Variants in ZSWIM8 observed in about 807,000 individuals in gnomAD.
ZSWIM8 encodes zinc finger SWIM domain-containing protein 8.
In ZSWIM8, 27 loss-of-function variants were observed where a neutral mutation model predicts 173.7. That is an observed-to-expected ratio of 0.16 (90% CI 0.11 to 0.21). ZSWIM8 has a LOEUF of 0.21. Among genes scored for constraint, ZSWIM8 ranks in the 10% least tolerant of loss-of-function variants. ZSWIM8 has a pLI of 1.00. For missense variants in ZSWIM8, 1,627 were observed against 2,428.8 expected, an observed-to-expected ratio of 0.67 and a Z score of 6.94; for synonymous variants, 958 against 962.0, an observed-to-expected ratio of 1.00 and a Z score of 0.08.
rs368892984 is a variant in ZSWIM8, at chr10:73,800,321, G to T, written c.4851G>T (p.Thr1617=). Residue 1617 remains threonine (T), a synonymous_variant, in exon 23 of 26, where the codon ACG becomes ACT. Transcript: ENST00000604729. The surrounding 1 kb of genome is among the most constrained non-coding windows in gnomAD (Gnocchi z 4.1). The part of the protein sequence containing the change: ...VALSSVHPAS[T]FPAIQGASLP... ...TGAGCAGTGTCCATCCAGCATCCAC[G>T]TTTCCAGCCATCCAAGGTGCCTCAC... 21 of 1,613,866 alleles carry T rather than the reference G, an allele frequency of 1.3e-5. No homozygotes were observed. Among genetic ancestry groups the T allele is most frequent in the Non-Finnish European group, 1.8e-5 (21 of 1,179,832 alleles).
chr10:73,799,950 A>G lies in ZSWIM8; in HGVS notation c.4666-61A>G, dbSNP rs78827647. The G allele has an allele frequency of 8.0e-5, 124 of 1,552,752 alleles. No individual in the cohort carries two copies. The East Asian group carries it at 2.7e-3, about 34-fold the overall frequency. Reference sequence around the variant, plus strand: ...TCAGGATAGCAGCTTGTGGGGGTGAAGCACGACAGCAACATCCTAATCAAG... The same window carrying G: ...TCAGGATAGCAGCTTGTGGGGGTGAGGCACGACAGCAACATCCTAATCAAG... On this transcript the variant is annotated intron_variant, in intron 21 of 25. Coordinates refer to ENST00000604729, the MANE Select transcript of ZSWIM8 (RefSeq NM_001367799.1).
rs2083470130 is a variant in ZSWIM8, at chr10:73,792,886, C to T, written c.2313+34C>T. The T allele has an allele frequency of 3.3e-6, 5 of 1,514,564 alleles. No homozygotes were observed. The South Asian group carries it at 5.1e-5, about 16-fold the overall frequency. The allele number at this position is 1,514,564 out of a possible 1,614,324, so 93.8% of individuals were successfully genotyped here. On this transcript the variant is annotated intron_variant, in intron 10 of 25. Coordinates refer to ENST00000604729, the MANE Select transcript of ZSWIM8 (RefSeq NM_001367799.1). This position sits in a 1 kb window ranked among gnomAD's most constrained non-coding sequence, Gnocchi z 4.3. ...ATGGAAGGAGGGAGGGCTGGGTGCT[C>T]CTTAGCCACAACTGGGAGGGGCTAT...
Position 73,791,482 on chromosome 10 carries a change from T to C in ZSWIM8, c.1302T>C (p.Pro434=). The change falls in exon 9 of 26, where the codon CCT becomes CCC. Residue 434 remains proline (P), a synonymous_variant. Coordinates refer to ENST00000604729, the MANE Select transcript of ZSWIM8 (RefSeq NM_001367799.1). The surrounding 1 kb of genome is among the most constrained non-coding windows in gnomAD (Gnocchi z 6.0). ...TGTGGAGGCTGGCCGTGCTGGACCC[T>C]GCACTCAGCCCCCAGCGGTGAGTCT... ...VTLWRLAVLD[P]ALSPQRRREL... is the part of the protein sequence containing the mutation. 1 of 1,605,210 alleles carries C rather than the reference T, an allele frequency of 6.2e-7. No individual in the cohort carries two copies. Among genetic ancestry groups the C allele is most frequent in the Non-Finnish European group, 8.5e-7 (1 of 1,173,482 alleles).
At position 73,789,594 on chromosome 10, in the gene ZSWIM8, C is replaced by A; in HGVS notation, c.630+55C>A. ...ATCCTACACTCCATCCCCCCCTTCT[C>A]TGCTGCATGCCTGGCTACAATGTGA... On this transcript the variant is annotated intron_variant, in intron 4 of 25. Coordinates refer to ENST00000604729, the MANE Select transcript of ZSWIM8 (RefSeq NM_001367799.1). The surrounding 1 kb of genome is among the most constrained non-coding windows in gnomAD (Gnocchi z 6.8). The A allele has an allele frequency of 6.3e-7, 1 of 1,583,022 alleles. No homozygotes were observed.
rs781376952 is a variant in ZSWIM8, at chr10:73,799,261, C to T, written c.4436C>T (p.Ala1479Val). 6.3e-7 allele frequency: 1 copy of T among 1,598,228 alleles called. No homozygotes were observed. Among genetic ancestry groups the T allele is most frequent in the Admixed American group, 1.8e-5 (1 of 57,132 alleles). ...GTEPVTVAAA[A>V]VTAAATVVPV... ...GAGCCGGTTACAGTGGCAGCGGCAG[C>T]AGTGACAGCAGCAGCCACAGTGGTG... Residue 1479 changes from alanine (A) to valine (V), a missense_variant, in exon 21 of 26, where the codon GCA (alanine) becomes GTA (valine). By Grantham distance (64) the Ala-to-Val change is moderately conservative (BLOSUM62 0). Around this residue, in one of 18 missense-constraint regions of ZSWIM8, gnomAD observed 275 missense variants for 290.1 expected, o/e 0.95. Transcript: ENST00000604729.
chr10:73,788,864 A>T, intron 2 of ZSWIM8, 41 bp downstream of exon 2: 1 of 1,608,098 alleles, frequency 6.2e-7, no homozygotes, highest in Non-Finnish European at 8.5e-7. Flanking sequence ...GGGTCCTGAT[A>T]CTCCACACTG....
At chr10:73,786,193 G>T (rs781502793) in intron 1 of ZSWIM8, 107 bp downstream of exon 1, 189 of 1,225,046 alleles carry the variant, frequency 1.5e-4, no homozygotes, top group Non-Finnish European at 2.0e-4. Flanking sequence ...CTTCAACCAG[G>T]GGAAGAAAGG....
chr10:73,798,954 T>C (rs555284122), intron 20 of ZSWIM8, 48 bp from the exon 21 acceptor site: 9 of 1,554,408 alleles, frequency 5.8e-6, no homozygotes, highest in African/African-American at 1.4e-5. Context: ...ACACCTTCCA[T>C]GTGGTAAAGG....
In ZSWIM8 at chr10:73,800,303, T is replaced by C. The variant is rs939850209; in HGVS notation, c.4833T>C (p.Ser1611=). ...LPLPTSVALS[S]VHPASTFPAI... is the part of the protein sequence containing the mutation. ...GGCTCTCACCCCACTTAGTGAGCAG[T>C]GTCCATCCAGCATCCACGTTTCCAG... is the stretch of plus-strand genomic sequence containing the variant. The change falls in exon 23 of 26, where the codon AGT becomes AGC. Residue 1611 remains serine, a synonymous_variant. Transcript: ENST00000604729. This position sits in a 1 kb window ranked among gnomAD's most constrained non-coding sequence, Gnocchi z 4.1. The C allele has an allele frequency of 6.2e-7, 1 of 1,613,834 alleles. No individual in the cohort carries two copies. The highest frequency in any genetic ancestry group is 1.3e-5 in the African/African-American group (1 of 75,032).
At position 73,791,125 on chromosome 10, in the gene ZSWIM8, T is replaced by C. The variant is rs1216249103; in HGVS notation, c.1092T>C (p.Asn364=). ...AGATGTTCAAGCGGAGGGACAGCAA[T>C]GCTGCCCCCTTGTTGGAAATCCTCA... is the stretch of plus-strand genomic sequence containing the variant. ...VREMFKRRDS[N]AAPLLEILTD... The change falls in exon 8 of 26, where the codon AAT becomes AAC. Residue 364 remains asparagine (N), a synonymous_variant. Transcript: ENST00000604729. The surrounding 1 kb of genome is among the most constrained non-coding windows in gnomAD (Gnocchi z 6.0). The C allele has an allele frequency of 6.2e-7, 1 of 1,613,462 alleles. No homozygotes were observed.
At chr10:73,795,327 A>G (rs1305924537) in intron 14 of ZSWIM8, among the ~76,000 whole-genome samples, 1 of 152,178 alleles carries the variant, frequency 6.6e-6, no homozygotes, top group East Asian at 1.9e-4. Context: ...CATGCTGGGT[A>G]AGCAGATTGG....
At position 73,800,625 on chromosome 10, in the gene ZSWIM8, T is replaced by TTATC. The variant is rs3830467; in HGVS notation, c.5003-9_5003-6dup. 215,326 of 1,610,810 alleles carry TTATC rather than the reference T, an allele frequency of 0.13. 15,257 individuals are homozygous for TTATC. The highest frequency in any genetic ancestry group is 0.22 in the South Asian group (19,884 of 90,984). On this transcript the variant is annotated splice_polypyrimidine_tract_variant and intron_variant, in intron 23 of 25. Transcript: ENST00000604729. This position sits in a 1 kb window ranked among gnomAD's most constrained non-coding sequence, Gnocchi z 4.1. ...GATACACCGTACCATGTGCCCACCCTTATCTATCTCCCAGGAATGCTGGCA... is the reference window on the plus strand; with the variant it reads ...GATACACCGTACCATGTGCCCACCCTTATCTATCTATCTCCCAGGAATGCTGGCA...
chr10:73,795,446 A>T, intron 14 of ZSWIM8, 93 bp from the exon 15 acceptor site: 1 of 1,567,914 alleles, frequency 6.4e-7, no homozygotes, highest in Non-Finnish European at 8.7e-7. Context: ...CCCTTACTTC[A>T]TATGCTGATG....
In ZSWIM8 at chr10:73,799,245, A is replaced by G. The variant is rs1334777399; in HGVS notation, c.4420A>G (p.Thr1474Ala). ...AGGGGGCCCAGGGACTGAGCCGGTT[A>G]CAGTGGCAGCGGCAGCAGTGACAGC... ...GRGGPGTEPV[T>A]VAAAAVTAAA... The change falls in exon 21 of 26, where the codon ACA becomes GCA. Residue 1474 changes from threonine (T) to alanine (A), a missense_variant. By Grantham distance (58) the Thr-to-Ala change is moderately conservative. Around this residue, in one of 18 missense-constraint regions of ZSWIM8, gnomAD observed 275 missense variants for 290.1 expected, o/e 0.95. Coordinates refer to ENST00000604729, the MANE Select transcript of ZSWIM8 (RefSeq NM_001367799.1). 1 of 1,602,864 alleles carries G rather than the reference A, an allele frequency of 6.2e-7. No homozygotes were observed. The highest frequency in any genetic ancestry group is 8.5e-7 in the Non-Finnish European group (1 of 1,174,896).
At position 73,789,652 on chromosome 10, in the gene ZSWIM8, C is replaced by A. The variant is rs1457701126; in HGVS notation, c.631-65C>A. On this transcript the variant is annotated intron_variant, in intron 4 of 25. Transcript: ENST00000604729. This position sits in a 1 kb window ranked among gnomAD's most constrained non-coding sequence, Gnocchi z 6.8. ...CGCCTCGCCTACTCTGCCTCTCTGT[C>A]CCCCAGCTCCAGCTCCAGCAAACCT... is the stretch of plus-strand genomic sequence containing the variant. 3.2e-6 allele frequency: 5 copies of A among 1,548,546 alleles called. No homozygotes were observed. The East Asian group carries it at 9.6e-5, about 30-fold the overall frequency.
Position 73,790,255 on chromosome 10 carries a change from C to T in ZSWIM8, c.904C>T (p.Leu302=). The stretch of plus-strand genomic sequence containing the variant: ...ACTCACTGACAACATCAAAAAGACA[C>T]TGCACAAGTTCTGTGGCCCCTCCCC... ...STLTDNIKKT[L]HKFCGPSPVV... is the part of the protein sequence containing the mutation. Residue 302 remains leucine (L), a synonymous_variant, in exon 7 of 26, where the codon CTG becomes TTG. Coordinates refer to ENST00000604729, the MANE Select transcript of ZSWIM8 (RefSeq NM_001367799.1). 1 of 1,613,484 alleles carries T rather than the reference C, an allele frequency of 6.2e-7. No homozygotes were observed. Among genetic ancestry groups the T allele is most frequent in the East Asian group, 2.2e-5 (1 of 44,892 alleles).
rs563010903 is a variant in ZSWIM8 at position 73,800,471 on chromosome 10, C to A, written c.5001C>A (p.Val1667=). ...SLHHLHAAYR[V]GMLALEMLGR... Reference sequence around the variant, plus strand: ...ACCACCTGCATGCTGCCTACCGTGTCGGTGAGAGGACATCCCTTTCTGTGC... The same window carrying A: ...ACCACCTGCATGCTGCCTACCGTGTAGGTGAGAGGACATCCCTTTCTGTGC... Residue 1667 remains valine, a splice_region_variant and synonymous_variant, in exon 23 of 26, where the codon GTC becomes GTA. Transcript: ENST00000604729. This position sits in a 1 kb window ranked among gnomAD's most constrained non-coding sequence, Gnocchi z 4.1. The A allele has an allele frequency of 6.2e-7, 1 of 1,613,584 alleles. No individual in the cohort carries two copies. Among genetic ancestry groups the A allele is most frequent in the Non-Finnish European group, 8.5e-7 (1 of 1,179,684 alleles).
chr10:73,799,613 T>G, intron 21 of ZSWIM8, 123 bp downstream of exon 21: 1 of 1,361,372 alleles, frequency 7.3e-7, no homozygotes, highest in Non-Finnish European at 1.0e-6. Flanking sequence ...GTGGTGGGAG[T>G]CTGGGGGACC....
At chr10:73,786,386 T>C in intron 1 of ZSWIM8, 1 of 356,736 alleles carries the variant, frequency 2.8e-6, no homozygotes, top group South Asian at 1.1e-4. Context: ...GGAGATCCTG[T>C]GGACAGAAAG....
Sources: allele counts gnomAD v4.1 joint callset (sites outside exome capture counted in the v4.1 genomes callset), GRCh38; gene constraint gnomAD v4.1.1; regional missense constraint gnomAD v4.1.1; non-coding constraint Gnocchi (gnomAD v3.1); transcripts MANE v1.5; gene names NCBI Gene and HGNC (gene_info 2026-07-23, HGNC 2026-07-21).